TNRC18: variants seen among roughly 807,000 people sequenced by gnomAD.
TNRC18 encodes the protein trinucleotide repeat containing 18, also known as trinucleotide repeat-containing gene 18 protein.
A neutral mutation model predicts 226.7 loss-of-function variants in TNRC18; 69 were observed. The ratio of observed to expected loss-of-function variants is 0.30; its 90% CI spans 0.25 to 0.37. The LOEUF (loss-of-function observed/expected upper bound fraction) is 0.37, where lower values mean the gene tolerates loss of function less well. Ranked by LOEUF, TNRC18 falls within the 10% of genes least tolerant of loss-of-function variation. The probability of loss-of-function intolerance (pLI) is 1.00; values close to 1 mark genes in which losing one functional copy is unlikely to be tolerated. For synonymous variants in TNRC18, 2,449 were observed against 1,927.6 expected, an observed-to-expected ratio of 1.27 and a Z score of -7.09; for missense variants, 4,754 against 4,256.6, an observed-to-expected ratio of 1.12 and a Z score of -3.25.
In TNRC18 at chr7:5,357,324, A is replaced by G. The variant is rs7805732; in HGVS notation, c.4834-48T>C. Reference sequence around the variant, plus strand: ...GGGTTAAAAGATCTGACAAAACAGTATAGTGGGTTTCAGTGCACATGCTCT... The same window carrying G: ...GGGTTAAAAGATCTGACAAAACAGTGTAGTGGGTTTCAGTGCACATGCTCT... On this transcript the variant is annotated intron_variant, in intron 15 of 29. Transcript: ENST00000430969. The G allele has an allele frequency of 0.64, 994,057 of 1,546,316 alleles. 325,449 individuals are homozygous for G. The highest frequency in any genetic ancestry group is 0.85 in the African/African-American group (62,655 of 73,968).
intron 3 of TNRC18, among the ~76,000 whole-genome samples, chr7:5,391,973 C>T (rs1197770589): frequency 4.0e-5 from 6 of 151,548 alleles, no homozygotes; most frequent in African/African-American, 1.5e-4. Flanking sequence ...CTATGGGATC[C>T]CAGGCCAATT....
At chr7:5,372,078 T>A (rs1794208090) in intron 10 of TNRC18, among the ~76,000 whole-genome samples, 2 of 151,890 alleles carry the variant, frequency 1.3e-5, no homozygotes, top group Non-Finnish European at 2.9e-5. Flanking sequence ...TAATTTTTTT[T>A]TTTTTTTGAG....
intron 2 of TNRC18, chr7:5,420,332 C>G: frequency 2.2e-6 from 1 of 455,060 alleles, no homozygotes; most frequent in Non-Finnish European, 4.4e-6. Context: ...TTCTTTCCCC[C>G]TAGGTTCGGG....
intron 27 of TNRC18, among the ~76,000 whole-genome samples, chr7:5,311,642 T>A (rs979980516): frequency 6.6e-6 from 1 of 151,588 alleles, no homozygotes; most frequent in Non-Finnish European, 1.5e-5. Flanking sequence ...AGTGAGACAC[T>A]GTCTCTACAA....
Position 5,387,860 on chromosome 7 carries a change from G to A in TNRC18, c.1964C>T (p.Pro655Leu), listed in dbSNP as rs1228279685. The change falls in exon 5 of 30, where the codon CCC becomes CTC. Residue 655 changes from proline (P) to leucine (L), a missense_variant. Pro to Leu is a moderately conservative substitution (Grantham distance 98, BLOSUM62 -3). Transcript: ENST00000430969. ...AGCTTTGGCGCTCTCGGGCCTCTCG[G>A]GGTCCCGCTTCAGCTGCCGGCCGCC... Reference protein sequence around the residue: ...AGGGRQLKRDPERPESAKAFG... With the variant: ...AGGGRQLKRDLERPESAKAFG... 8.1e-6 allele frequency: 13 copies of A among 1,599,888 alleles called. No individual in the cohort carries two copies. The highest frequency in any genetic ancestry group is 1.0e-5 in the Non-Finnish European group (12 of 1,176,198).
At position 5,312,210 on chromosome 7, in the gene TNRC18, G is replaced by T. The variant is rs1233414397; in HGVS notation, c.8388+293C>A. Reference sequence around the variant, plus strand: ...GTGGCGCCGACGCCTGTGGGTCTGTGCTGATCTTTGCACGTTTCCTTCATC... The same window carrying T: ...GTGGCGCCGACGCCTGTGGGTCTGTTCTGATCTTTGCACGTTTCCTTCATC... On this transcript the variant is annotated intron_variant, in intron 27 of 29. Coordinates refer to ENST00000430969, the MANE Select transcript of TNRC18 (RefSeq NM_001080495.3). The surrounding 1 kb of genome is among the most constrained non-coding windows in gnomAD (Gnocchi z 6.3). Among the ~76,000 whole-genome samples the T allele has an allele frequency of 1.3e-5, 2 of 152,224 alleles. No homozygotes were observed. Among genetic ancestry groups the T allele is most frequent in the Non-Finnish European group, 2.9e-5 (2 of 68,040 alleles).
intron 19 of TNRC18, among the ~76,000 whole-genome samples, chr7:5,326,652 T>C (rs1489713158): frequency 6.6e-6 from 1 of 151,996 alleles, no homozygotes; most frequent in Non-Finnish European, 1.5e-5. Context: ...CTAAAACAAA[T>C]GGCCATTAGC....
chr7:5,352,058 T>C lies in TNRC18; in HGVS notation c.5231A>G (p.Asp1744Gly). The change falls in exon 17 of 30, where the codon GAC becomes GGC. Residue 1744 changes from aspartate to glycine, a missense_variant. Transcript: ENST00000430969. ...DSEEDEEFLKDEWPAQGPSSS... is the reference protein window; with the variant it reads ...DSEEDEEFLKGEWPAQGPSSS... Reference sequence around the variant, plus strand: ...GGAGGGGCCTTGGGCGGGCCACTCGTCCTTCAGGAATTCTTCGTCTTCCTC... The same window carrying C: ...GGAGGGGCCTTGGGCGGGCCACTCGCCCTTCAGGAATTCTTCGTCTTCCTC... 1.2e-6 allele frequency: 2 copies of C among 1,611,408 alleles called. No homozygotes were observed. The highest frequency in any genetic ancestry group is 1.7e-6 in the Non-Finnish European group (2 of 1,178,602).
intron 18 of TNRC18, among the ~76,000 whole-genome samples, chr7:5,337,248 AC>A (rs1291587470): frequency 6.6e-6 from 1 of 152,104 alleles, no homozygotes; most frequent in Non-Finnish European, 1.5e-5. Flanking sequence ...AAAAAAAAAA[AC>A]TGTCAACCCA....
At position 5,352,005 on chromosome 7, in the gene TNRC18, A is replaced by G; in HGVS notation, c.5284T>C (p.Cys1762Arg). Residue 1762 changes from cysteine to arginine, a missense_variant, in exon 17 of 30, where the codon TGT becomes CGT. By Grantham distance (180) the Cys-to-Arg change is radical. Coordinates refer to ENST00000430969, the MANE Select transcript of TNRC18 (RefSeq NM_001080495.3). ...TTGCTGTTCTTTGCCACCATGCTAC[A>G]CAGGAGGGAAGGCGTCAGTTTGGAG... The part of the protein sequence containing the change: ...SSSKLTPSLL[C>R]SMVAKNSKAA... 6.2e-7 allele frequency: 1 copy of G among 1,613,938 alleles called. No homozygotes were observed.
intron 5 of TNRC18, among the ~76,000 whole-genome samples, chr7:5,386,316 G>A (rs895684636): frequency 6.6e-6 from 1 of 151,364 alleles, no homozygotes; most frequent in African/African-American, 2.4e-5. Flanking sequence ...AGTGACACAG[G>A]TAGGAGATTC....
Position 5,374,147 on chromosome 7 carries a change from GTGATACCCGGGGT to G in TNRC18, c.3124_3136del (p.Thr1042ProfsTer113). 7.1e-7 allele frequency: 1 copy of G among 1,412,126 alleles called. No individual in the cohort carries two copies. Among genetic ancestry groups the G allele is most frequent in the Non-Finnish European group, 9.4e-7 (1 of 1,068,460 alleles). 87.5% of individuals were successfully genotyped at this position (1,412,126 alleles called of 1,614,324 possible). A position where few individuals can be genotyped will look rare whatever the true frequency, so the allele number is the denominator to read the frequency against. On this transcript the variant is annotated frameshift_variant, in exon 10 of 30. Transcript: ENST00000430969. LOFTEE classifies it high-confidence loss of function. ...ATTCTCGGGAGCCTCCTCCTTGCGGGTGATACCCGGGGTGGGCGGTGGGGAGGCGGGCGGCGGG... is the reference window on the plus strand; with the variant it reads ...ATTCTCGGGAGCCTCCTCCTTGCGGGGGGCGGTGGGGAGGCGGGCGGCGGG...
chr7:5,348,150 C>A (rs1004178510), intron 17 of TNRC18, among the ~76,000 whole-genome samples: 5 of 152,094 alleles, frequency 3.3e-5, no homozygotes, highest in South Asian at 2.1e-4. Flanking sequence ...AAACCAAAAC[C>A]CCCCACCAAA....
chr7:5,313,952 G>GTTTTGT (rs1377821892), intron 26 of TNRC18, 89 bp from the exon 27 acceptor site: 3 of 1,315,622 alleles, frequency 2.3e-6, no homozygotes, highest in African/African-American at 3.1e-5. Context: ...GCTTCTGTGA[G>GTTTTGT]TTTTGTTTTT....
chr7:5,313,660 G>A lies in TNRC18; in HGVS notation c.7231C>T (p.Pro2411Ser), dbSNP rs1787533316. 1.2e-6 allele frequency: 2 copies of A among 1,605,650 alleles called. No homozygotes were observed. The part of the protein sequence containing the change: ...PAFTSCPAPE[P>S]FAELPAPATS... ...GCAGGAGCTGGCAGCTCTGCAAATG[G>A]CTCGGGTGCTGGGCAGCTGGTGAAG... The change falls in exon 27 of 30, where the codon CCA (proline) becomes TCA (serine). Residue 2411 changes from proline to serine, a missense_variant. Physicochemically the swap from Pro to Ser is moderately conservative, Grantham distance 74. Transcript: ENST00000430969.
chr7:5,355,862 G>A (rs1183107513), intron 16 of TNRC18, among the ~76,000 whole-genome samples: 1 of 151,558 alleles, frequency 6.6e-6, no homozygotes, highest in African/African-American at 2.4e-5. Context: ...TAAGCAATAA[G>A]AAGAGACCCT....
chr7:5,332,715 C>G lies in TNRC18; in HGVS notation c.6054G>C (p.Ala2018=), dbSNP rs1271186119. ...SAAAPAPVST[A]PATKTSRCAK... ...CGCAGCGGCTGGTCTTGGTGGCGGG[C>G]GCGGTGCTGACGGGCGCAGGTGCAG... The change falls in exon 19 of 30, where the codon GCG becomes GCC. Residue 2018 remains alanine, a synonymous_variant. Transcript: ENST00000430969. 1 of 1,527,508 alleles carries G rather than the reference C, an allele frequency of 6.5e-7. No individual in the cohort carries two copies. Among genetic ancestry groups the G allele is most frequent in the South Asian group, 1.2e-5 (1 of 83,022 alleles). 94.6% of individuals were successfully genotyped at this position (1,527,508 alleles called of 1,614,324 possible).
intron 9 of TNRC18, 36 bp downstream of exon 9, chr7:5,375,998 C>A (rs767220591): frequency 2.6e-6 from 4 of 1,555,162 alleles, no homozygotes; most frequent in Non-Finnish European, 2.6e-6. Flanking sequence ...CATGGGGGCC[C>A]CCAGAGGGAG....
chr7:5,348,430 G>T (rs535329210), intron 17 of TNRC18, among the ~76,000 whole-genome samples: 2 of 152,314 alleles, frequency 1.3e-5, no homozygotes, highest in Non-Finnish European at 2.9e-5. Context: ...CGGATAGACA[G>T]ACGGGGAAGA....
Sources: gnomAD v4.1 joint callset for allele counts (sites outside exome capture counted in the v4.1 genomes callset) on GRCh38, gnomAD v4.1.1 for gene constraint, Gnocchi (gnomAD v3.1) non-coding constraint, MANE v1.5 for transcripts, NCBI Gene and HGNC (gene_info 2026-07-23, HGNC 2026-07-21) for gene names.